Variants in CSMD3 observed in about 807,000 individuals in gnomAD.
CSMD3 encodes the protein CUB and sushi domain-containing protein 3.
In CSMD3, 177 loss-of-function variants were observed where a neutral mutation model predicts 435.2. The observed-to-expected ratio is 0.41, with a 90% CI of 0.36 to 0.46. The LOEUF (loss-of-function observed/expected upper bound fraction) is 0.46. Among genes scored for constraint, CSMD3 ranks in the 20% least tolerant of loss-of-function variants. The probability of loss-of-function intolerance (pLI) is 0.34; values close to 1 mark genes in which losing one functional copy is unlikely to be tolerated. For synonymous variants in CSMD3, 1,656 were observed against 1,520.5 expected, an observed-to-expected ratio of 1.09 and a Z score of -2.07; for missense variants, 4,265 against 4,504.6, an observed-to-expected ratio of 0.95 and a Z score of 1.52.
At chr8:112,453,105 A>C (rs1283141780) in intron 32 of CSMD3, among the ~76,000 whole-genome samples, 1 of 152,198 alleles carries the variant, frequency 6.6e-6, no homozygotes, top group Non-Finnish European at 1.5e-5. Context: ...TTGAACAAGT[A>C]ACTTTATCAA....
intron 13 of CSMD3, among the ~76,000 whole-genome samples, chr8:112,698,227 T>C (rs2076302927): frequency 6.6e-6 from 1 of 152,014 alleles, no homozygotes; most frequent in South Asian, 2.1e-4. Context: ...TTTACAAATG[T>C]AGAAACAGAA....
intron 2 of CSMD3, 79 bp from the exon 3 acceptor site, chr8:113,278,783 A>T (rs77721390): frequency 5.6e-5 from 41 of 731,222 alleles, no homozygotes; most frequent in Middle Eastern, 2.6e-4. Flanking sequence ...AGTCATATTT[A>T]AAAAAAATAA....
At chr8:112,694,919 G>C (rs2076219408) in intron 13 of CSMD3, among the ~76,000 whole-genome samples, 1 of 152,142 alleles carries the variant, frequency 6.6e-6, no homozygotes, top group African/African-American at 2.4e-5. Flanking sequence ...TTCCAACTGA[G>C]GTACCAGGTT....
chr8:113,087,534 A>G (rs2089838359), intron 5 of CSMD3, among the ~76,000 whole-genome samples: 1 of 152,136 alleles, frequency 6.6e-6, no homozygotes, highest in Admixed American at 6.5e-5. Context: ...AACAGAACAG[A>G]GCCCTCAGAA....
intron 8 of CSMD3, among the ~76,000 whole-genome samples, chr8:112,953,048 G>A (rs1210041816): frequency 4.6e-5 from 7 of 151,274 alleles, no homozygotes; most frequent in Admixed American, 3.3e-4. Flanking sequence ...AGTACAAATA[G>A]CCTGAATTTC....
intron 1 of CSMD3, among the ~76,000 whole-genome samples, chr8:113,362,389 AG>A (rs2094283387): frequency 6.6e-6 from 1 of 152,208 alleles, no homozygotes; most frequent in Non-Finnish European, 1.5e-5. Context: ...CAAGATCAAA[AG>A]TAAGTATATT....
At chr8:112,226,501 T>G (rs758221740) in intron 70 of CSMD3, among the ~76,000 whole-genome samples, 6 of 152,246 alleles carry the variant, frequency 3.9e-5, no homozygotes, top group Middle Eastern at 6.8e-3. Context: ...GGCCTTGAAT[T>G]TGGCAATGGT....
At chr8:113,130,417 AG>A (rs1311945042) in intron 4 of CSMD3, among the ~76,000 whole-genome samples, 2 of 152,112 alleles carry the variant, frequency 1.3e-5, no homozygotes, top group African/African-American at 4.8e-5. Context: ...ATGATTTAAA[AG>A]TCTGTGGCAC....
At position 112,503,924 on chromosome 8, in the gene CSMD3, C is replaced by T; in HGVS notation, c.4949G>A (p.Ser1650Asn). Residue 1650 changes from serine to asparagine, a missense_variant, in exon 30 of 71, where the codon AGT (serine) becomes AAT (asparagine). Around this residue, in one of 3 missense-constraint regions of CSMD3, gnomAD observed 3,255 missense variants for 3,380.2 expected, o/e 0.96. Coordinates refer to ENST00000297405, the MANE Select transcript of CSMD3 (RefSeq NM_198123.2). ...DFLYIYDGPD[S>N]NSPLIGSFQD... ...AAAACTTCCAATCAGTGGGCTATTA[C>T]TGTCTGGTCCATCATAGATATAGAG... 1 of 1,611,596 alleles carries T rather than the reference C, an allele frequency of 6.2e-7. No homozygotes were observed. Among genetic ancestry groups the T allele is most frequent in the Non-Finnish European group, 8.5e-7 (1 of 1,178,442 alleles).
At chr8:113,223,668 C>A (rs890576637) in intron 3 of CSMD3, among the ~76,000 whole-genome samples, 1 of 148,506 alleles carries the variant, frequency 6.7e-6, no homozygotes. Flanking sequence ...CATTTAGTGT[C>A]TGTGGTTTTA....
intron 10 of CSMD3, among the ~76,000 whole-genome samples, chr8:112,882,373 T>C (rs1404574954): frequency 6.6e-6 from 1 of 151,952 alleles, no homozygotes; most frequent in Admixed American, 6.6e-5. Flanking sequence ...TGCCCACCCT[T>C]GAGAAAAATG....
At chr8:113,368,161 T>C (rs568746233) in intron 1 of CSMD3, among the ~76,000 whole-genome samples, 14 of 152,142 alleles carry the variant, frequency 9.2e-5, no homozygotes, top group Non-Finnish European at 1.9e-4. Flanking sequence ...ATTGGCCAAC[T>C]GCCAGACTAC....
intron 3 of CSMD3, among the ~76,000 whole-genome samples, chr8:113,269,686 C>T (rs1162428778): frequency 6.9e-6 from 1 of 145,340 alleles, no homozygotes; most frequent in Non-Finnish European, 1.5e-5. Flanking sequence ...CTTTGACAAA[C>T]CTGACAAAAA....
At chr8:112,336,143 G>T (rs2040743756) in intron 44 of CSMD3, among the ~76,000 whole-genome samples, 1 of 152,022 alleles carries the variant, frequency 6.6e-6, no homozygotes, top group Non-Finnish European at 1.5e-5. Flanking sequence ...TTCTTGGGAT[G>T]AAGTGATGCT....
Position 113,132,480 on chromosome 8 carries a change from G to A in CSMD3, c.710-33517C>T, listed in dbSNP as rs560492748. Among the ~76,000 whole-genome samples the A allele has an allele frequency of 2.6e-4, 40 of 151,360 alleles. No homozygotes were observed. In the South Asian group the frequency reaches 8.0e-3, roughly 30 times the overall value. On this transcript the variant is annotated intron_variant, in intron 4 of 70. Transcript: ENST00000297405. Reference sequence around the variant, plus strand: ...AGATCTGATGATTTAAAAGTGTGTGGCACTTCTCCCTTCTCTCTCTTCCTC... The same window carrying A: ...AGATCTGATGATTTAAAAGTGTGTGACACTTCTCCCTTCTCTCTCTTCCTC...
At chr8:113,057,919 C>T (rs138035545) in intron 5 of CSMD3, among the ~76,000 whole-genome samples, 215 of 151,742 alleles carry the variant, frequency 1.4e-3, no homozygotes, top group Middle Eastern at 0.012. Context: ...CATTGTAATA[C>T]GTGTCCTAAA....
intron 32 of CSMD3, among the ~76,000 whole-genome samples, chr8:112,454,674 A>G (rs1258069314): frequency 6.6e-6 from 1 of 152,170 alleles, no homozygotes; most frequent in Admixed American, 6.5e-5. Context: ...TATGGAAAAC[A>G]GTTTGGAGAT....
At chr8:112,533,338 C>T (rs76684322) in intron 27 of CSMD3, among the ~76,000 whole-genome samples, 8,245 of 151,468 alleles carry the variant, frequency 0.054, 275 homozygotes, top group African/African-American at 0.1. Flanking sequence ...GCTGAATGAA[C>T]GAAAAAATAA....
chr8:112,305,314 G>T (rs1342060129), intron 51 of CSMD3, among the ~76,000 whole-genome samples: 1 of 152,076 alleles, frequency 6.6e-6, no homozygotes, highest in East Asian at 1.9e-4. Context: ...AAGGTAAGTA[G>T]AAGCCTTATT....
Sources: gnomAD v4.1 joint callset for allele counts (sites outside exome capture counted in the v4.1 genomes callset) on GRCh38, gnomAD v4.1.1 for gene constraint, gnomAD v4.1.1 regional missense constraint, MANE v1.5 for transcripts, NCBI Gene and HGNC (gene_info 2026-07-23, HGNC 2026-07-21) for gene names.